The following FOXK2 variants were observed in gnomAD, a reference collection of about 807,000 sequenced individuals.
The protein encoded by FOXK2 is forkhead box K2, also known as forkhead box protein K2.
Under a neutral mutation model 53.3 loss-of-function variants are expected in FOXK2, and 24 were observed. The observed-to-expected ratio is 0.45, with a 90% CI of 0.33 to 0.63. The LOEUF is 0.63. FOXK2 is among the 30% of genes least tolerant of loss of function. FOXK2 has a pLI of 0.03. For synonymous variants in FOXK2, 505 were observed against 407.1 expected, an observed-to-expected ratio of 1.24 and a Z score of -2.89; for missense variants, 952 against 910.5, an observed-to-expected ratio of 1.05 and a Z score of -0.59.
intron 8 of FOXK2, among the ~76,000 whole-genome samples, chr17:82,589,007 G>A (rs1351453178): frequency 6.6e-6 from 1 of 151,826 alleles, no homozygotes; most frequent in Non-Finnish European, 1.5e-5. Flanking sequence ...CCAGTGAGAT[G>A]AGATCATGCC....
At chr17:82,576,731 C>T (rs914248718) in intron 4 of FOXK2, 3 of 835,562 alleles carry the variant, frequency 3.6e-6, no homozygotes, top group Admixed American at 2.4e-5. Context: ...AGTCCAAAAC[C>T]GTGAACGTAG....
At chr17:82,523,675 C>T (rs879869609) in intron 1 of FOXK2, among the ~76,000 whole-genome samples, 30 of 151,896 alleles carry the variant, frequency 2.0e-4, no homozygotes, top group South Asian at 6.2e-4. Context: ...CAGGGTTAAT[C>T]CATGTTGGTC....
chr17:82,598,130 T>G (rs1265992707), intron 8 of FOXK2, among the ~76,000 whole-genome samples: 1 of 146,090 alleles, frequency 6.8e-6, no homozygotes, highest in East Asian at 1.9e-4. Flanking sequence ...AACCGTATTG[T>G]TGACTCCCAT....
chr17:82,569,631 A>G (rs1168316206), intron 3 of FOXK2, among the ~76,000 whole-genome samples: 2 of 152,226 alleles, frequency 1.3e-5, no homozygotes, highest in Non-Finnish European at 2.9e-5. Context: ...TTTCAATTTA[A>G]AAAGTTTTTA....
At chr17:82,581,498 T>G (rs1243101006) in intron 4 of FOXK2, among the ~76,000 whole-genome samples, 1 of 140,876 alleles carries the variant, frequency 7.1e-6, no homozygotes, top group African/African-American at 2.6e-5. Flanking sequence ...TTTTTTGAGA[T>G]GGAGTCTTAC....
At chr17:82,557,385 C>G (rs2044740581) in intron 1 of FOXK2, among the ~76,000 whole-genome samples, 1 of 151,132 alleles carries the variant, frequency 6.6e-6, no homozygotes, top group Non-Finnish European at 1.5e-5. Context: ...ACACTGTCAC[C>G]CAGGCTGGAG....
intron 4 of FOXK2, chr17:82,577,475 G>A (rs1192834692): frequency 9.0e-6 from 3 of 333,482 alleles, no homozygotes; most frequent in Middle Eastern, 9.0e-4. Flanking sequence ...TTAAGGTCTC[G>A]CAGCCAAAGC....
chr17:82,600,931 G>C lies in FOXK2; in HGVS notation c.1787-372G>C, dbSNP rs536378430. On this transcript the variant is annotated intron_variant, in intron 8 of 8. Transcript: ENST00000335255. ...CGCCGAGCCAGCAGGGCCATCTCCT[G>C]TCTGCCTCAACCACTACTGGACTCA... is the stretch of plus-strand genomic sequence containing the variant. The C allele has an allele frequency of 1.1e-3, 190 of 174,060 alleles. 3 individuals are homozygous for C. The highest frequency in any genetic ancestry group is 9.8e-3 in the Admixed American group (169 of 17,264). 10.8% of individuals were successfully genotyped at this position (174,060 alleles called of 1,614,324 possible). A position where few individuals can be genotyped will look rare whatever the true frequency, so the allele number is the denominator to read the frequency against.
intron 1 of FOXK2, among the ~76,000 whole-genome samples, chr17:82,562,379 G>A (rs910594522): frequency 4.6e-5 from 7 of 152,298 alleles, no homozygotes; most frequent in South Asian, 4.2e-4. Flanking sequence ...TCGCGAGTTC[G>A]AGACCAGCCC....
At chr17:82,541,125 C>T (rs2044570862) in intron 1 of FOXK2, among the ~76,000 whole-genome samples, 1 of 152,084 alleles carries the variant, frequency 6.6e-6, no homozygotes, top group South Asian at 2.1e-4. Context: ...GATGGATTCA[C>T]CTTTTAGCAT....
intron 1 of FOXK2, among the ~76,000 whole-genome samples, chr17:82,520,952 T>C (rs1030278644): frequency 9.2e-5 from 14 of 152,184 alleles, no homozygotes; most frequent in African/African-American, 3.1e-4. Context: ...AAAAGACAGT[T>C]GATTAGGAAT....
chr17:82,586,202 TA>T lies in FOXK2; in HGVS notation c.1576+3del, dbSNP rs774317656. 1.1e-5 allele frequency: 17 copies of T among 1,548,596 alleles called. No individual in the cohort carries two copies. The East Asian group carries it at 1.5e-4, about 14-fold the overall frequency. ...ATGGAGACCACAGGGAAGTCAAAGG[TA>T]GGCGGAGGGGAAAGGAGGAGAGGGG... On this transcript the variant is annotated splice_donor_region_variant and intron_variant, in intron 7 of 8. Transcript: ENST00000335255.
At chr17:82,548,585 CTGTT>C (rs2044648277) in intron 1 of FOXK2, among the ~76,000 whole-genome samples, 2 of 152,104 alleles carry the variant, frequency 1.3e-5, no homozygotes, top group Admixed American at 1.3e-4. Flanking sequence ...ATCCTTTGCC[CTGTT>C]TGTTGATACT....
intron 8 of FOXK2, chr17:82,600,912 G>C (rs1001886640): frequency 5.9e-6 from 1 of 168,570 alleles, no homozygotes; most frequent in Admixed American, 5.9e-5. Flanking sequence ...CCTTCGCCGA[G>C]CCAGCAGGGC....
chr17:82,566,898 A>G (rs529701437), intron 2 of FOXK2, among the ~76,000 whole-genome samples: 1 of 152,218 alleles, frequency 6.6e-6, no homozygotes, highest in Non-Finnish European at 1.5e-5. Flanking sequence ...CTCGGGCCAC[A>G]CTGGCTGCAT....
intron 1 of FOXK2, among the ~76,000 whole-genome samples, chr17:82,523,188 G>A (rs1025861529): frequency 2.0e-5 from 3 of 152,166 alleles, no homozygotes; most frequent in Admixed American, 1.3e-4. Flanking sequence ...TTGTGCTCAG[G>A]GAAGAGTCTT....
At chr17:82,550,663 C>T (rs146599866) in intron 1 of FOXK2, among the ~76,000 whole-genome samples, 26,801 of 151,888 alleles carry the variant, frequency 0.18, 2,738 homozygotes, top group Non-Finnish European at 0.24. Context: ...CCACCACGCC[C>T]GGCTAATTTT....
chr17:82,520,341 G>T, intron 1 of FOXK2, 34 bp downstream of exon 1: 1 of 1,241,884 alleles, frequency 8.1e-7, no homozygotes. Flanking sequence ...GGCGGGGTCT[G>T]CGGCCTGCAG....
intron 1 of FOXK2, among the ~76,000 whole-genome samples, chr17:82,525,215 G>A (rs2044405108): frequency 6.6e-6 from 1 of 151,908 alleles, no homozygotes; most frequent in Non-Finnish European, 1.5e-5. Flanking sequence ...TGTTGCCCAG[G>A]TGGGAGTGCA....
Sources: gnomAD v4.1 joint callset for allele counts (sites outside exome capture counted in the v4.1 genomes callset) on GRCh38, gnomAD v4.1.1 for gene constraint, MANE v1.5 for transcripts, NCBI Gene and HGNC (gene_info 2026-07-23, HGNC 2026-07-21) for gene names.